FAM20C: variants seen among roughly 807,000 people sequenced by gnomAD.
The protein encoded by FAM20C is FAM20C golgi associated secretory pathway kinase, also known as extracellular serine/threonine protein kinase FAM20C.
In FAM20C, 40 loss-of-function variants were observed where a neutral mutation model predicts 51.5. The observed-to-expected ratio is 0.78, with a 90% CI of 0.60 to 1.01. FAM20C has a LOEUF of 1.01. Among genes scored for constraint, FAM20C ranks in the 50% least tolerant of loss-of-function variants. FAM20C has a pLI of 0.00. For missense variants in FAM20C, 861 were observed against 844.7 expected (o/e 1.02, Z -0.24); for synonymous variants, 406 against 380.6 (o/e 1.07, Z -0.78).
intron 3 of FAM20C, among the ~76,000 whole-genome samples, chr7:212,898 G>T (rs1786788318): frequency 6.6e-6 from 1 of 152,140 alleles, no homozygotes; most frequent in African/African-American, 2.4e-5. Flanking sequence ...CACCGCAGTT[G>T]ATTTTAGCCC....
At chr7:229,054 C>T (rs62430331) in intron 3 of FAM20C, 26,480 of 351,432 alleles carry the variant, frequency 0.075, 1,059 homozygotes, top group African/African-American at 0.098. Flanking sequence ...CAAGATGCCT[C>T]CCTGTCAGCC....
chr7:250,001 C>G (rs1398752467), intron 5 of FAM20C, among the ~76,000 whole-genome samples: 25 of 152,210 alleles, frequency 1.6e-4, no homozygotes, highest in Admixed American at 1.6e-3. Flanking sequence ...CCCTGCAGAG[C>G]AAGGTCCCCA....
At chr7:257,798 G>GTGGGATGGACCCA (rs1788651408) in intron 8 of FAM20C, among the ~76,000 whole-genome samples, 2 of 121,714 alleles carry the variant, frequency 1.6e-5, no homozygotes, top group African/African-American at 6.0e-5. Flanking sequence ...CTGGAGATGG[G>GTGGGATGGACCCA]CTGGGTGGAC....
rs982461281 is a variant in FAM20C at position 208,834 on chromosome 7, C to T, written c.785-64C>T. On this transcript the variant is annotated intron_variant, in intron 2 of 9. Transcript: ENST00000313766. ...CGGATTGCAGCCAAGAGCCCTCGTC[C>T]GCACAGGAGAAGAAGGGGCGTGAGG... The T allele has an allele frequency of 3.7e-5, 56 of 1,498,960 alleles. 1 individual carries two copies. The Admixed American group carries it at 5.5e-4, about 15-fold the overall frequency. 92.9% of individuals were successfully genotyped at this position (1,498,960 alleles called of 1,614,324 possible).
chr7:251,681 C>T (rs890528609), intron 5 of FAM20C, among the ~76,000 whole-genome samples: 1 of 152,222 alleles, frequency 6.6e-6, no homozygotes, highest in Non-Finnish European at 1.5e-5. Context: ...GGCCATCGAC[C>T]ACCTTTGGTG....
intron 3 of FAM20C, among the ~76,000 whole-genome samples, chr7:209,518 T>C (rs1347783620): frequency 6.6e-6 from 1 of 152,060 alleles, no homozygotes; most frequent in East Asian, 1.9e-4. Flanking sequence ...TGTGGTCCAG[T>C]GGACAGTGTG....
chr7:224,326 G>A (rs187719638), intron 3 of FAM20C, among the ~76,000 whole-genome samples: 692 of 30,690 alleles, frequency 0.023, 146 homozygotes, highest in Non-Finnish European at 0.044. Context: ...GTCGCACGGC[G>A]GCTGTCCCCT....
At chr7:252,522 T>C (rs1181729822) in intron 5 of FAM20C, among the ~76,000 whole-genome samples, 1 of 138,718 alleles carries the variant, frequency 7.2e-6, no homozygotes, top group Non-Finnish European at 1.6e-5. Context: ...GAAGCCCTGC[T>C]GGAGCCCAGA....
At chr7:217,212 G>A (rs568493775) in intron 3 of FAM20C, among the ~76,000 whole-genome samples, 13 of 152,256 alleles carry the variant, frequency 8.5e-5, no homozygotes, top group African/African-American at 1.7e-4. Flanking sequence ...TGGGGGAGGC[G>A]GACACAGCTT....
rs1416161283 is a variant in FAM20C, at chr7:192,798, C to A, written c.-402C>A. ...AGCGCGCTGAGGATCGGGACGCCTG[C>A]GGCCGCCGCCACCGCCCAGGCCCGT... On this transcript the variant is annotated 5_prime_UTR_variant, in exon 1 of 10. Coordinates refer to ENST00000313766, the MANE Select transcript of FAM20C (RefSeq NM_020223.4). 1.4e-5 allele frequency among the ~76,000 whole-genome samples: 2 copies of A among 147,002 alleles called. No individual in the cohort carries two copies. The highest frequency in any genetic ancestry group is 2.5e-5 in the African/African-American group (1 of 40,780).
Position 248,812 on chromosome 7 carries a change from C to A in FAM20C, c.1072+382C>A, listed in dbSNP as rs190013899. ...CTCGCCAGGTAGCCTGGCACAGGGGCCCGCATTCATCTCTCCACGTAGCCT... is the reference window on the plus strand; with the variant it reads ...CTCGCCAGGTAGCCTGGCACAGGGGACCGCATTCATCTCTCCACGTAGCCT... On this transcript the variant is annotated intron_variant, in intron 5 of 9. Transcript: ENST00000313766. 7.4e-3 allele frequency among the ~76,000 whole-genome samples: 1,109 copies of A among 149,698 alleles called. 9 individuals are homozygous for A. The highest frequency in any genetic ancestry group is 0.011 in the Admixed American group (173 of 15,086).
intron 5 of FAM20C, among the ~76,000 whole-genome samples, chr7:251,737 A>AT (rs1788411185): frequency 6.6e-6 from 1 of 152,094 alleles, no homozygotes; most frequent in South Asian, 2.1e-4. Flanking sequence ...CCAGCACTTT[A>AT]TTAAGCGCTC....
At chr7:205,462 ACACT>A (rs1460853186) in intron 2 of FAM20C, among the ~76,000 whole-genome samples, 1 of 152,118 alleles carries the variant, frequency 6.6e-6, no homozygotes, top group Non-Finnish European at 1.5e-5. Context: ...CTGGTCTCAA[ACACT>A]CGGCCTCGAG....
chr7:193,494 T>C lies in FAM20C; in HGVS notation c.295T>C (p.Ser99Pro). 1 of 1,502,498 alleles carries C rather than the reference T, an allele frequency of 6.7e-7. No individual in the cohort carries two copies. The highest frequency in any genetic ancestry group is 8.9e-7 in the Non-Finnish European group (1 of 1,122,488). The allele number at this position is 1,502,498 out of a possible 1,614,324, so 93.1% of individuals were successfully genotyped here. A position where few individuals can be genotyped will look rare whatever the true frequency, so the allele number is the denominator to read the frequency against. The change falls in exon 1 of 10, where the codon TCC (serine) becomes CCC (proline). Residue 99 changes from serine to proline, a missense_variant. By Grantham distance (74) the Ser-to-Pro change is moderately conservative. Around this residue, in one of 3 missense-constraint regions of FAM20C, gnomAD observed 561 missense variants for 499.8 expected, o/e 1.12. Transcript: ENST00000313766. ...CCTGCAGGACTTCAGCTCCGACCCC[T>C]CCTCCAACCTCTCGTCCCACTCGCT... ...RILQDFSSDPSSNLSSHSLEK... is the reference protein window; with the variant it reads ...RILQDFSSDPPSNLSSHSLEK...
intron 3 of FAM20C, among the ~76,000 whole-genome samples, chr7:219,920 A>G (rs893237010): frequency 1.3e-5 from 2 of 152,324 alleles, no homozygotes; most frequent in Non-Finnish European, 2.9e-5. Context: ...AGATTGCCCA[A>G]TGGGCTGGGT....
At chr7:230,633 G>A (rs80135121) in intron 3 of FAM20C, among the ~76,000 whole-genome samples, 4 of 152,208 alleles carry the variant, frequency 2.6e-5, no homozygotes, top group East Asian at 1.9e-4. Context: ...GTGGAAAAAC[G>A]CCTGCCCCAT....
chr7:232,813 G>A (rs933728349), intron 3 of FAM20C, among the ~76,000 whole-genome samples: 26 of 152,226 alleles, frequency 1.7e-4, no homozygotes, highest in South Asian at 2.1e-4. Context: ...GGCACCCGGC[G>A]TGGTGTCCCT....
At chr7:249,509 G>C (rs540679223) in intron 5 of FAM20C, among the ~76,000 whole-genome samples, 2 of 152,386 alleles carry the variant, frequency 1.3e-5, no homozygotes, top group South Asian at 4.1e-4. Flanking sequence ...GGGAAGCCAA[G>C]GTGGGAGGAT....
intron 3 of FAM20C, among the ~76,000 whole-genome samples, chr7:223,348 G>T (rs73671787): frequency 1.3e-5 from 2 of 152,176 alleles, no homozygotes; most frequent in Non-Finnish European, 2.9e-5. Context: ...CATTGTGTCC[G>T]CAGCACTAGC....
Sources: allele counts gnomAD v4.1 joint callset (sites outside exome capture counted in the v4.1 genomes callset), GRCh38; gene constraint gnomAD v4.1.1; regional missense constraint gnomAD v4.1.1; transcripts MANE v1.5; gene names NCBI Gene and HGNC (gene_info 2026-07-23, HGNC 2026-07-21).